The following MARCHF10 variants were observed in gnomAD, a reference collection of about 807,000 sequenced individuals.
MARCHF10 encodes membrane associated ring-CH-type finger 10.
In MARCHF10, 64 loss-of-function variants were observed where a neutral mutation model predicts 76.2. That is an observed-to-expected ratio of 0.84 (90% CI 0.69 to 1.03). MARCHF10 has a LOEUF of 1.03. Ranked by LOEUF, MARCHF10 falls within the 50% of genes least tolerant of loss-of-function variation. The probability of loss-of-function intolerance (pLI) is 0.00; values close to 1 mark genes in which losing one functional copy is unlikely to be tolerated. For missense variants in MARCHF10, 875 were observed against 958.0 expected, an observed-to-expected ratio of 0.91 and a Z score of 1.14; for synonymous variants, 340 against 357.5, an observed-to-expected ratio of 0.95 and a Z score of 0.55.
At chr17:62,752,035 A>T (rs2091912332) in intron 4 of MARCHF10, among the ~76,000 whole-genome samples, 1 of 151,932 alleles carries the variant, frequency 6.6e-6, no homozygotes, top group African/African-American at 2.4e-5. Context: ...AGAAAAAAAA[A>T]AAAAGAAGAA....
At chr17:62,801,796 G>T in intron 1 of MARCHF10, 44 bp from the exon 2 acceptor site, 3 of 1,316,042 alleles carry the variant, frequency 2.3e-6, no homozygotes, top group Admixed American at 1.7e-5. Context: ...AGAGTCCTTT[G>T]TCGTGATGCC....
chr17:62,788,042 C>A (rs915624848), intron 3 of MARCHF10, among the ~76,000 whole-genome samples: 2 of 152,076 alleles, frequency 1.3e-5, no homozygotes, highest in Admixed American at 6.6e-5. Flanking sequence ...ACAGTTATTA[C>A]CACATTTTAC....
intron 6 of MARCHF10, chr17:62,735,595 C>T: frequency 4.0e-6 from 1 of 248,142 alleles, no homozygotes; most frequent in Middle Eastern, 1.4e-3. Context: ...CAACCTTTTC[C>T]TAAAAAATCT....
intron 4 of MARCHF10, among the ~76,000 whole-genome samples, chr17:62,745,167 G>T (rs1269851537): frequency 6.7e-6 from 1 of 150,248 alleles, no homozygotes; most frequent in Non-Finnish European, 1.5e-5. Context: ...GCAGTGGCAT[G>T]ATCTTGGCTC....
intron 3 of MARCHF10, among the ~76,000 whole-genome samples, chr17:62,788,104 A>C (rs1239992022): frequency 6.6e-6 from 1 of 152,192 alleles, no homozygotes; most frequent in Non-Finnish European, 1.5e-5. Context: ...ATCAAGTTAG[A>C]CCATATGCCA....
chr17:62,749,210 A>G (rs74408532), intron 4 of MARCHF10, among the ~76,000 whole-genome samples: 122 of 115,062 alleles, frequency 1.1e-3, no homozygotes, highest in African/African-American at 3.9e-3. Flanking sequence ...CAGGAAAGGG[A>G]AAAAAAAGGT....
At chr17:62,769,417 T>C (rs2092399701) in intron 3 of MARCHF10, among the ~76,000 whole-genome samples, 1 of 149,800 alleles carries the variant, frequency 6.7e-6, no homozygotes, top group Non-Finnish European at 1.5e-5. Flanking sequence ...CCTACATTTG[T>C]TTGTTTGTTT....
At chr17:62,763,566 T>C (rs1459538992) in intron 3 of MARCHF10, among the ~76,000 whole-genome samples, 3 of 152,200 alleles carry the variant, frequency 2.0e-5, no homozygotes, top group Non-Finnish European at 4.4e-5. Flanking sequence ...TCTTGTAATT[T>C]TGAAAAATAA....
chr17:62,780,338 G>T (rs1055545214), intron 3 of MARCHF10, among the ~76,000 whole-genome samples: 1 of 152,072 alleles, frequency 6.6e-6, no homozygotes. Context: ...GCCATTGCAG[G>T]CTACTTGAAA....
chr17:62,785,169 A>G (rs1402767333), intron 3 of MARCHF10, among the ~76,000 whole-genome samples: 1 of 152,228 alleles, frequency 6.6e-6, no homozygotes, highest in Non-Finnish European at 1.5e-5. Context: ...TACTGGTACC[A>G]AAACAGATAT....
At chr17:62,799,082 G>A (rs772013187) in intron 2 of MARCHF10, among the ~76,000 whole-genome samples, 4 of 152,190 alleles carry the variant, frequency 2.6e-5, no homozygotes, top group Admixed American at 6.5e-5. Flanking sequence ...TTGGAGGTTT[G>A]AAAAGAGTGA....
intron 4 of MARCHF10, chr17:62,750,629 G>C (rs2091867348): frequency 6.6e-6 from 1 of 152,498 alleles, no homozygotes; most frequent in Non-Finnish European, 1.5e-5. Context: ...CTCAAAAATT[G>C]TTCTCCAATG....
chr17:62,715,850 C>T (rs2090165010), intron 8 of MARCHF10, among the ~76,000 whole-genome samples: 1 of 152,222 alleles, frequency 6.6e-6, no homozygotes, highest in South Asian at 2.1e-4. Context: ...CTGTGAGCAG[C>T]ATCTGCCCTG....
intron 3 of MARCHF10, among the ~76,000 whole-genome samples, chr17:62,787,792 T>C (rs1248995812): frequency 6.6e-6 from 1 of 152,084 alleles, no homozygotes; most frequent in East Asian, 1.9e-4. Context: ...AGGTGATAGA[T>C]ATATACATTT....
rs1390896371 is a variant in MARCHF10 at position 62,793,471 on chromosome 17, A to ACCATCACCACCACCACCT, written c.91-4873_91-4872insAGGTGGTGGTGGTGATGG. Among the ~76,000 whole-genome samples, 200 of 121,402 alleles carry ACCATCACCACCACCACCT rather than the reference A, an allele frequency of 1.6e-3. 4 individuals are homozygous for ACCATCACCACCACCACCT. The highest frequency in any genetic ancestry group is 6.6e-3 in the African/African-American group (193 of 29,070). The allele number at this position is 121,402 out of a possible 152,430, so 79.6% of individuals were successfully genotyped here. A position where few individuals can be genotyped will look rare whatever the true frequency, so the allele number is the denominator to read the frequency against. On this transcript the variant is annotated intron_variant, in intron 2 of 10. Coordinates refer to ENST00000311269, the MANE Select transcript of MARCHF10 (RefSeq NM_152598.4). ...CACCATCACCACCACCATCACCACC[A>ACCATCACCACCACCACCT]CCATCACCACCACCTCCATCACCAC...
intron 3 of MARCHF10, among the ~76,000 whole-genome samples, chr17:62,783,405 T>C (rs1348525350): frequency 6.6e-6 from 1 of 151,904 alleles, no homozygotes; most frequent in Non-Finnish European, 1.5e-5. Context: ...TAGCACTAAA[T>C]GCCCACAAGA....
intron 6 of MARCHF10, among the ~76,000 whole-genome samples, chr17:62,731,304 C>T (rs1489951042): frequency 1.3e-5 from 2 of 151,978 alleles, no homozygotes; most frequent in Non-Finnish European, 1.5e-5. Context: ...GCTCTGTTGC[C>T]CAGGCTGGAG....
intron 6 of MARCHF10, among the ~76,000 whole-genome samples, chr17:62,725,315 G>A (rs1005894602): frequency 1.3e-5 from 2 of 152,132 alleles, no homozygotes; most frequent in Non-Finnish European, 2.9e-5. Context: ...CCAGGCCGGA[G>A]TGCAGTGGCA....
intron 9 of MARCHF10, among the ~76,000 whole-genome samples, chr17:62,709,939 T>A (rs1258296207): frequency 6.6e-6 from 1 of 152,142 alleles, no homozygotes; most frequent in African/African-American, 2.4e-5. Flanking sequence ...AATTTCAGGG[T>A]TTCTCCAGTT....
Sources: gnomAD v4.1 joint callset for allele counts (sites outside exome capture counted in the v4.1 genomes callset) on GRCh38, gnomAD v4.1.1 for gene constraint, MANE v1.5 for transcripts, NCBI Gene and HGNC (gene_info 2026-07-23, HGNC 2026-07-21) for gene names.